Variants in SAMD12 observed in about 807,000 individuals in gnomAD.
SAMD12 encodes sterile alpha motif domain containing 12.
Under a neutral mutation model 15.0 loss-of-function variants are expected in SAMD12, and 9 were observed. That is an observed-to-expected ratio of 0.60 (90% CI 0.36 to 1.05). The LOEUF (loss-of-function observed/expected upper bound fraction) is 1.05. Among genes scored for constraint, SAMD12 ranks in the 50% least tolerant of loss-of-function variants. The pLI, the probability that SAMD12 is intolerant of heterozygous loss-of-function variation, is 0.01. For synonymous variants in SAMD12, 86 were observed against 90.1 expected (o/e 0.96, Z 0.25); for missense variants, 230 against 234.2 (o/e 0.98, Z 0.12).
chr8:118,528,941 C>T (rs187087989), intron 2 of SAMD12, among the ~76,000 whole-genome samples: 72 of 152,132 alleles, frequency 4.7e-4, no homozygotes, highest in African/African-American at 1.6e-3. Context: ...CCACCCCCGC[C>T]GTAAGGCAGA....
the SAMD12 span, among the ~76,000 whole-genome samples, chr8:118,161,666 G>A: frequency 6.6e-6 from 1 of 150,584 alleles, no homozygotes; most frequent in Non-Finnish European, 1.5e-5. Flanking sequence ...TTGTATCTAG[G>A]ATACATAAAG....
At chr8:118,457,438 C>T (rs1181728750) in intron 2 of SAMD12, among the ~76,000 whole-genome samples, 1 of 151,808 alleles carries the variant, frequency 6.6e-6, no homozygotes, top group African/African-American at 2.4e-5. Context: ...ACTATGTTGC[C>T]CAGGCTAGTC....
chr8:118,302,078 G>GTTTTTTTTTTTTTTTTTTTTTTTTTTTT lies in SAMD12; in HGVS notation c.433+77481_433+77482insAAAAAAAAAAAAAAAAAAAAAAAAAAAA, dbSNP rs58076997. Among the ~76,000 whole-genome samples the GTTTTTTTTTTTTTTTTTTTTTTTTTTTT allele has an allele frequency of 1.9e-4, 14 of 74,688 alleles. 2 individuals carry two copies. The highest frequency in any genetic ancestry group is 6.3e-4 in the African/African-American group (9 of 14,294). 49.0% of individuals were successfully genotyped at this position (74,688 alleles called of 152,430 possible). ...ATTTTCTAGCGCCAGATCTTTGAGA[G>GTTTTTTTTTTTTTTTTTTTTTTTTTTTT]TTTTTTTTTTTTTTTTTTTTTTTTT... On this transcript the variant is annotated intron_variant, in intron 4 of 4. Coordinates refer to the SAMD12 transcript ENST00000409003.
At chr8:118,312,293 C>T (rs1318089541) in intron 4 of SAMD12, among the ~76,000 whole-genome samples, 4 of 151,912 alleles carry the variant, frequency 2.6e-5, no homozygotes, top group Non-Finnish European at 4.4e-5. Flanking sequence ...CACCCTCTGA[C>T]TGCTGCTCTA....
chr8:118,335,017 A>T (rs1446073004), intron 4 of SAMD12, among the ~76,000 whole-genome samples: 10 of 152,206 alleles, frequency 6.6e-5, no homozygotes, highest in Admixed American at 6.5e-4. Context: ...AGTTAACTTT[A>T]CTGTGCTCAT....
chr8:118,575,318 T>C (rs1942033675), intron 2 of SAMD12, among the ~76,000 whole-genome samples: 1 of 152,268 alleles, frequency 6.6e-6, no homozygotes, highest in Admixed American at 6.5e-5. Flanking sequence ...TTGGCATTGC[T>C]TCTCCCTTAT....
intron 3 of SAMD12, among the ~76,000 whole-genome samples, chr8:118,426,411 A>G (rs1822236833): frequency 6.6e-6 from 1 of 152,180 alleles, no homozygotes; most frequent in African/African-American, 2.4e-5. Flanking sequence ...GAGGAGTTCT[A>G]GGCACAGTTC....
At chr8:118,172,534 AAC>A in the SAMD12 span, among the ~76,000 whole-genome samples, 1 of 152,204 alleles carries the variant, frequency 6.6e-6, no homozygotes, top group African/African-American at 2.4e-5. Flanking sequence ...AGCTGAGTTG[AAC>A]CTTGGCCAAA....
intron 2 of SAMD12, among the ~76,000 whole-genome samples, chr8:118,456,640 A>C (rs994006487): frequency 2.0e-5 from 3 of 152,244 alleles, no homozygotes; most frequent in Non-Finnish European, 4.4e-5. Context: ...AAAGGTGAGC[A>C]ACTTAAAAAG....
At chr8:118,205,627 A>G (rs1319509135) in intron 4 of SAMD12, among the ~76,000 whole-genome samples, 1 of 152,240 alleles carries the variant, frequency 6.6e-6, no homozygotes. Flanking sequence ...CCATGGCAAC[A>G]TTTTTAGACG....
intron 4 of SAMD12, among the ~76,000 whole-genome samples, chr8:118,311,947 G>C (rs1000300344): frequency 5.3e-5 from 8 of 152,084 alleles, no homozygotes; most frequent in Admixed American, 3.3e-4. Context: ...GGTCCAAAAG[G>C]CAGTTAATTA....
intron 4 of SAMD12, among the ~76,000 whole-genome samples, chr8:118,307,913 G>A (rs567282959): frequency 3.9e-4 from 59 of 152,262 alleles, no homozygotes; most frequent in Middle Eastern, 3.4e-3. Flanking sequence ...TTCTTCCCCC[G>A]GCCTCCTTCA....
the SAMD12 span, among the ~76,000 whole-genome samples, chr8:118,158,432 G>C: frequency 1.3e-5 from 2 of 152,256 alleles, no homozygotes; most frequent in African/African-American, 4.8e-5. Context: ...GGGAGCTGGG[G>C]ACAGGTGGAA....
chr8:118,487,143 C>T (rs970009688), intron 2 of SAMD12, among the ~76,000 whole-genome samples: 3 of 152,130 alleles, frequency 2.0e-5, no homozygotes, highest in African/African-American at 4.8e-5. Flanking sequence ...CATAAAGGAC[C>T]TAGGGCGGGG....
chr8:118,576,146 T>A lies in SAMD12; in HGVS notation c.192+4569A>T, dbSNP rs759015026. On this transcript the variant is annotated intron_variant, in intron 2 of 3. Transcript: ENST00000314727. ...TTACAGCAGCACTGTCTAATAGGAC[T>A]TTCTGCCATAATGATCATGTTCTAT... Among the ~76,000 whole-genome samples the A allele has an allele frequency of 4.7e-4, 72 of 152,174 alleles. 2 individuals are homozygous for A. The highest frequency in any genetic ancestry group is 9.4e-4 in the Non-Finnish European group (64 of 68,034).
chr8:118,245,952 G>A (rs1812681063), intron 4 of SAMD12, among the ~76,000 whole-genome samples: 1 of 152,154 alleles, frequency 6.6e-6, no homozygotes, highest in Non-Finnish European at 1.5e-5. Context: ...AGAAGCAGCT[G>A]CAGGAGGTAG....
At chr8:118,340,770 A>G (rs1017519359) in intron 4 of SAMD12, among the ~76,000 whole-genome samples, 1 of 152,190 alleles carries the variant, frequency 6.6e-6, no homozygotes, top group Admixed American at 6.5e-5. Context: ...CTCTGTCTCA[A>G]AAAAATTTTA....
At chr8:118,532,400 T>A (rs941954454) in intron 2 of SAMD12, among the ~76,000 whole-genome samples, 2 of 151,774 alleles carry the variant, frequency 1.3e-5, no homozygotes, top group African/African-American at 4.8e-5. Flanking sequence ...AAAATTCTCT[T>A]TTTTTTGTTG....
intron 3 of SAMD12, among the ~76,000 whole-genome samples, chr8:118,424,472 T>C (rs12679873): frequency 0.54 from 82,506 of 152,036 alleles, 23,379 homozygotes; most frequent in Admixed American, 0.63. Flanking sequence ...ATGGAATGTA[T>C]TCTATTGCAG....
Sources: gnomAD v4.1 joint callset for allele counts (sites outside exome capture counted in the v4.1 genomes callset) on GRCh38, gnomAD v4.1.1 for gene constraint, MANE v1.5 for transcripts, NCBI Gene and HGNC (gene_info 2026-07-23, HGNC 2026-07-21) for gene names.